The following RBFOX1 variants were observed in gnomAD, a reference collection of about 807,000 sequenced individuals.
RBFOX1 encodes RNA binding fox-1 homolog 1.
RBFOX1 carries 8 observed loss-of-function variants against 57.7 expected under a neutral mutation model. That is an observed-to-expected ratio of 0.14 (90% CI 0.08 to 0.25). RBFOX1 has a LOEUF of 0.25. Among genes scored for constraint, RBFOX1 ranks in the 10% least tolerant of loss-of-function variants. RBFOX1 has a pLI of 1.00. For synonymous variants in RBFOX1, 326 were observed against 222.4 expected (o/e 1.47, Z -4.15); for missense variants, 611 against 548.5 (o/e 1.11, Z -1.14).
chr16:7,599,395 A>T (rs1412993165), intron 9 of RBFOX1, among the ~76,000 whole-genome samples: 1 of 152,228 alleles, frequency 6.6e-6, no homozygotes. Flanking sequence ...GTGCATGTAT[A>T]TTTATTTTAA....
chr16:6,022,814 C>T (rs974617968), intron 1 of RBFOX1, among the ~76,000 whole-genome samples: 4 of 152,156 alleles, frequency 2.6e-5, no homozygotes, highest in African/African-American at 9.7e-5. Context: ...GAACTGAATG[C>T]ACAAATACCT....
At chr16:7,360,514 G>A (rs920609767) in intron 4 of RBFOX1, among the ~76,000 whole-genome samples, 1 of 152,130 alleles carries the variant, frequency 6.6e-6, no homozygotes, top group East Asian at 1.9e-4. Flanking sequence ...CAACCTTCCT[G>A]GTATCAGAAA....
chr16:5,713,204 G>A (rs1305170026), intron 3 of RBFOX1, among the ~76,000 whole-genome samples: 2 of 152,110 alleles, frequency 1.3e-5, no homozygotes, highest in Non-Finnish European at 2.9e-5. Context: ...AGCCATTTGG[G>A]GCTAATTTCT....
rs368212311 is a variant in RBFOX1, at chr16:6,459,044, G to A, written c.-64+141987G>A. On this transcript the variant is annotated intron_variant, in intron 2 of 15. Coordinates refer to ENST00000550418, the MANE Select transcript of RBFOX1 (RefSeq NM_018723.4). ...TTTGGAAATTGAAGTTTTGAAATCA[G>A]CACATTTTCAGCCAAGCCTGGTGGC... is the stretch of plus-strand genomic sequence containing the variant. Among the ~76,000 whole-genome samples, 4 of 152,290 alleles carry A rather than the reference G, an allele frequency of 2.6e-5. No individual in the cohort carries two copies. In the South Asian group the frequency reaches 6.2e-4, roughly 24 times the overall value.
chr16:5,467,340 G>A (rs2068985281), intron 2 of RBFOX1: 3 of 1,293,808 alleles, frequency 2.3e-6, no homozygotes, highest in Admixed American at 2.1e-5. Context: ...TCACAGCCCT[G>A]CAACTTCACT....
chr16:5,870,367 G>C (rs1597577416), intron 4 of RBFOX1, among the ~76,000 whole-genome samples: 1 of 111,476 alleles, frequency 9.0e-6, no homozygotes, highest in East Asian at 2.6e-4. Context: ...GTTGTAATTT[G>C]TATGGCAAAA....
At chr16:5,425,162 G>T (rs1433774278) in intron 1 of RBFOX1, among the ~76,000 whole-genome samples, 4 of 149,192 alleles carry the variant, frequency 2.7e-5, no homozygotes, top group African/African-American at 9.9e-5. Flanking sequence ...CTGGAGTGCA[G>T]TGGTGCGATC....
chr16:7,169,823 A>C (rs1366592500), intron 4 of RBFOX1, among the ~76,000 whole-genome samples: 2 of 19,232 alleles, frequency 1.0e-4, no homozygotes, highest in African/African-American at 9.1e-4. Context: ...TAATCCCTGC[A>C]CTTTGGCAGG....
At chr16:7,005,081 T>A (rs1234581597) in intron 3 of RBFOX1, among the ~76,000 whole-genome samples, 1 of 152,196 alleles carries the variant, frequency 6.6e-6, no homozygotes, top group Admixed American at 6.5e-5. Flanking sequence ...GAGGCAGAAG[T>A]TGCAGTCAGC....
intron 1 of RBFOX1, among the ~76,000 whole-genome samples, chr16:6,234,440 C>T (rs1277183997): frequency 6.6e-6 from 1 of 152,194 alleles, no homozygotes; most frequent in East Asian, 1.9e-4. Context: ...TTATCATTTA[C>T]CCTTCCTGCC....
chr16:5,403,290 C>T (rs13333992), intron 1 of RBFOX1, among the ~76,000 whole-genome samples: 13,936 of 140,182 alleles, frequency 0.099, 1,544 homozygotes, highest in African/African-American at 0.28. Flanking sequence ...GTGGAGTTTG[C>T]GGTGTGCCGA....
intron 2 of RBFOX1, among the ~76,000 whole-genome samples, chr16:5,532,228 C>T (rs1039122904): frequency 1.2e-4 from 18 of 152,178 alleles, no homozygotes; most frequent in Admixed American, 5.9e-4. Context: ...GCACCCAGGG[C>T]CTCTATCCAT....
intron 3 of RBFOX1, among the ~76,000 whole-genome samples, chr16:7,018,893 A>G (rs1442844932): frequency 3.3e-5 from 5 of 152,108 alleles, no homozygotes; most frequent in African/African-American, 9.7e-5. Flanking sequence ...CCAAAGTGGG[A>G]GGATCTCTTG....
chr16:6,104,720 G>T (rs1021430506), intron 1 of RBFOX1, among the ~76,000 whole-genome samples: 2 of 152,104 alleles, frequency 1.3e-5, no homozygotes, highest in African/African-American at 2.4e-5. Flanking sequence ...ATACACTTTA[G>T]CCAAAACAAA....
At chr16:6,433,569 T>G (rs1475119347) in intron 2 of RBFOX1, among the ~76,000 whole-genome samples, 2 of 152,156 alleles carry the variant, frequency 1.3e-5, no homozygotes, top group African/African-American at 4.8e-5. Flanking sequence ...ACAAATTCAG[T>G]GGCTTAAAGC....
At chr16:5,930,829 G>C (rs1222465287) in intron 4 of RBFOX1, among the ~76,000 whole-genome samples, 11 of 145,738 alleles carry the variant, frequency 7.5e-5, no homozygotes, top group East Asian at 4.2e-4. Context: ...TGGTTGCATG[G>C]ATGGATGGAT....
intron 4 of RBFOX1, among the ~76,000 whole-genome samples, chr16:7,162,585 A>C (rs924638748): frequency 1.3e-5 from 2 of 151,094 alleles, no homozygotes; most frequent in Non-Finnish European, 1.5e-5. Context: ...AAAAAAAAAA[A>C]ACATTGCCAG....
intron 4 of RBFOX1, among the ~76,000 whole-genome samples, chr16:7,421,095 C>T (rs949165579): frequency 2.6e-5 from 4 of 151,998 alleles, no homozygotes; most frequent in Admixed American, 6.6e-5. Context: ...GTCATTTCTA[C>T]GGTTGGCTTT....
intron 3 of RBFOX1, among the ~76,000 whole-genome samples, chr16:7,036,414 G>T (rs1429496900): frequency 6.6e-6 from 1 of 152,062 alleles, no homozygotes; most frequent in East Asian, 1.9e-4. Context: ...TCTCCCTCAA[G>T]AAAGAATTCA....
Sources: allele counts gnomAD v4.1 joint callset (sites outside exome capture counted in the v4.1 genomes callset), GRCh38; gene constraint gnomAD v4.1.1; transcripts MANE v1.5; gene names NCBI Gene and HGNC (gene_info 2026-07-23, HGNC 2026-07-21).